FGF14: variants seen among roughly 807,000 people sequenced by gnomAD.
The protein encoded by FGF14 is fibroblast growth factor 14.
In FGF14, 5 loss-of-function variants were observed where a neutral mutation model predicts 25.5. That is an observed-to-expected ratio of 0.20 (90% confidence interval 0.10 to 0.41). FGF14 has a LOEUF of 0.41. Among genes scored for constraint, FGF14 ranks in the 10% least tolerant of loss-of-function variants. The pLI is 1.00. For synonymous variants in FGF14, 138 were observed against 118.3 expected, an observed-to-expected ratio of 1.17 and a Z score of -1.08; for missense variants, 222 against 320.1, an observed-to-expected ratio of 0.69 and a Z score of 2.34.
intron 1 of FGF14, among the ~76,000 whole-genome samples, chr13:102,305,887 A>G (rs1314115308): frequency 6.6e-6 from 1 of 152,186 alleles, no homozygotes; most frequent in Non-Finnish European, 1.5e-5. Flanking sequence ...GAACTGCTGT[A>G]AATCTAAAAT....
At chr13:101,975,234 C>G (rs1455916263) in intron 1 of FGF14, among the ~76,000 whole-genome samples, 1 of 152,132 alleles carries the variant, frequency 6.6e-6, no homozygotes. Flanking sequence ...CTTTTCACCT[C>G]CTACCTTGTG....
chr13:101,825,848 C>T (rs2042370156), intron 3 of FGF14, among the ~76,000 whole-genome samples: 1 of 151,918 alleles, frequency 6.6e-6, no homozygotes, highest in Non-Finnish European at 1.5e-5. Context: ...TAGAAGTATC[C>T]CATGAGGATT....
chr13:101,776,502 A>G (rs1264039903), intron 3 of FGF14, among the ~76,000 whole-genome samples: 1 of 152,162 alleles, frequency 6.6e-6, no homozygotes, highest in East Asian at 1.9e-4. Context: ...CAATTTATAC[A>G]AATCAGTGTC....
Position 101,875,091 on chromosome 13 carries a change from C to T in FGF14, c.304+95G>A, listed in dbSNP as rs183040434. 105 of 853,468 alleles carry T rather than the reference C, an allele frequency of 1.2e-4. No individual in the cohort carries two copies. In the Middle Eastern group the frequency reaches 1.4e-3, roughly 11 times the overall value. 52.9% of individuals were successfully genotyped at this position (853,468 alleles called of 1,614,324 possible). On this transcript the variant is annotated intron_variant, in intron 2 of 4. Coordinates refer to ENST00000376143, the MANE Select transcript of FGF14 (RefSeq NM_004115.4). ...TAACATTTGTAAAGATGAACCAACA[C>T]GACCAAACATTTGCAAATGAATCTT...
chr13:102,272,608 T>A (rs565593799), intron 1 of FGF14, among the ~76,000 whole-genome samples: 46 of 152,316 alleles, frequency 3.0e-4, no homozygotes, highest in African/African-American at 1.1e-3. Context: ...GCATATGTGT[T>A]AATTTATTTA....
At chr13:101,769,797 A>G (rs9518527) in intron 3 of FGF14, among the ~76,000 whole-genome samples, 1 of 152,036 alleles carries the variant, frequency 6.6e-6, no homozygotes, top group Admixed American at 6.6e-5. Context: ...TTGCCAGGAA[A>G]TGGGGTGGGG....
At chr13:102,009,234 AT>A (rs2039959415) in intron 1 of FGF14, among the ~76,000 whole-genome samples, 1 of 152,144 alleles carries the variant, frequency 6.6e-6, no homozygotes, top group South Asian at 2.1e-4. Context: ...ACACATTTTT[AT>A]TTAGTAATAC....
At position 102,092,066 on chromosome 13, in the gene FGF14, T is replaced by A. The variant is rs117117706; in HGVS notation, c.209-216770A>T. 3.2e-3 allele frequency among the ~76,000 whole-genome samples: 492 copies of A among 152,302 alleles called. 3 individuals carry two copies. The highest frequency in any genetic ancestry group is 5.6e-3 in the Non-Finnish European group (381 of 68,024). ...TACTGACTGATGTGGGGATGACACATTGGTGGCTGGGAAGCCACTAGCAGC... is the reference window on the plus strand; with the variant it reads ...TACTGACTGATGTGGGGATGACACAATGGTGGCTGGGAAGCCACTAGCAGC... On this transcript the variant is annotated intron_variant, in intron 1 of 4. Coordinates refer to the FGF14 transcript ENST00000376131.
chr13:102,026,196 G>A (rs1343754708), intron 1 of FGF14, among the ~76,000 whole-genome samples: 2 of 151,874 alleles, frequency 1.3e-5, no homozygotes, highest in African/African-American at 4.8e-5. Flanking sequence ...ATTGAGATGA[G>A]CATGCTATAT....
intron 1 of FGF14, among the ~76,000 whole-genome samples, chr13:102,200,855 C>T (rs2049588748): frequency 6.6e-6 from 1 of 151,958 alleles, no homozygotes; most frequent in South Asian, 2.1e-4. Context: ...GTAATCCCAG[C>T]ACATTGGGAG....
intron 3 of FGF14, among the ~76,000 whole-genome samples, chr13:101,763,808 C>T (rs1485052978): frequency 8.5e-5 from 13 of 152,136 alleles, no homozygotes. Flanking sequence ...TGCAGTGAGC[C>T]GAGATTGCAC....
chr13:101,986,938 GCACACA>G (rs3064731), intron 1 of FGF14, among the ~76,000 whole-genome samples: 37 of 148,122 alleles, frequency 2.5e-4, no homozygotes, highest in South Asian at 1.1e-3. Flanking sequence ...GTATGTGCAT[GCACACA>G]CACACACACA....
chr13:101,797,735 ATGTGTGTGTGTGTGTGTG>A (rs1555384521), intron 3 of FGF14, among the ~76,000 whole-genome samples: 2 of 34,082 alleles, frequency 5.9e-5, no homozygotes, highest in Non-Finnish European at 1.0e-4. Context: ...TCATGAATTG[ATGTGTGTGTGTGTGTGTG>A]TGTGTGTGTG....
chr13:102,028,922 T>C (rs2041072573), intron 1 of FGF14, among the ~76,000 whole-genome samples: 1 of 152,046 alleles, frequency 6.6e-6, no homozygotes, highest in Non-Finnish European at 1.5e-5. Flanking sequence ...CTTGCTATCC[T>C]TAGAATGTGC....
chr13:101,834,490 T>C lies in FGF14; in HGVS notation c.408+34235A>G, dbSNP rs190328818. On this transcript the variant is annotated intron_variant, in intron 3 of 4. Transcript: ENST00000376143. ...TTCATTAAATTCAGTCAAAAGATTC[T>C]TCCAAACACCCACTTATATGTGCTA... Among the ~76,000 whole-genome samples, 328 of 152,172 alleles carry C rather than the reference T, an allele frequency of 2.2e-3. No individual in the cohort carries two copies. The Middle Eastern group carries it at 0.027, about 13-fold the overall frequency.
chr13:101,868,638 A>T, intron 3 of FGF14, 87 bp downstream of exon 3: 1 of 889,806 alleles, frequency 1.1e-6, no homozygotes, highest in Non-Finnish European at 1.9e-6. Flanking sequence ...CAGAAACAAC[A>T]GACATAGAAC....
chr13:102,028,700 A>G (rs2041058539), intron 1 of FGF14, among the ~76,000 whole-genome samples: 1 of 151,468 alleles, frequency 6.6e-6, no homozygotes, highest in Non-Finnish European at 1.5e-5. Context: ...ATGTCAGGGA[A>G]TATGGGGTTT....
At chr13:101,844,175 A>AATC (rs1188220791) in intron 3 of FGF14, among the ~76,000 whole-genome samples, 1 of 152,052 alleles carries the variant, frequency 6.6e-6, no homozygotes, top group Non-Finnish European at 1.5e-5. Context: ...ACAGTCTTAA[A>AATC]ATCATGAAAA....
At chr13:102,129,347 T>C (rs1452291037) in intron 1 of FGF14, among the ~76,000 whole-genome samples, 1 of 152,306 alleles carries the variant, frequency 6.6e-6, no homozygotes, top group Non-Finnish European at 1.5e-5. Context: ...TGACTAAACT[T>C]TGAAGCAGAG....
Sources: gnomAD v4.1 joint callset for allele counts (sites outside exome capture counted in the v4.1 genomes callset) on GRCh38, gnomAD v4.1.1 for gene constraint, MANE v1.5 for transcripts, NCBI Gene and HGNC (gene_info 2026-07-23, HGNC 2026-07-21) for gene names.